DTD2: variants seen among roughly 807,000 people sequenced by gnomAD.
The protein encoded by DTD2 is D-aminoacyl-tRNA deacylase 2, also known as D-tyrosyl-tRNA deacylase 2 (putative).
A neutral mutation model predicts 15.5 loss-of-function variants in DTD2; 12 were observed. The ratio of observed to expected loss-of-function variants is 0.77; its 90% CI spans 0.50 to 1.25. The LOEUF (loss-of-function observed/expected upper bound fraction) is 1.25, where lower values mean the gene tolerates loss of function less well. Ranked by LOEUF, DTD2 falls within the 50% of genes most tolerant of loss-of-function variation. DTD2 has a pLI of 0.00. For synonymous variants in DTD2, 59 were observed against 77.3 expected (o/e 0.76, Z 1.24); for missense variants, 170 against 201.1 (o/e 0.85, Z 0.93).
At position 31,457,329 on chromosome 14, in the gene DTD2, A is replaced by G; in HGVS notation, c.65T>C (p.Leu22Pro). ...ALLQQCLHAR[L>P]QIRPADGDVA... ...GTCCCCATCGGCTGGGCGAATTTGC[A>G]GCCGGGCGTGCAGGCACTGCTGTAG... Residue 22 changes from leucine to proline, a missense_variant, in exon 1 of 3, where the codon CTG becomes CCG. By Grantham distance (98) the Leu-to-Pro change is moderately conservative. Transcript: ENST00000310850. 1.9e-6 allele frequency: 3 copies of G among 1,595,846 alleles called. No homozygotes were observed. The highest frequency in any genetic ancestry group is 2.3e-5 in the South Asian group (2 of 87,240).
intron 2 of DTD2, among the ~76,000 whole-genome samples, chr14:31,453,050 G>A (rs755435786): frequency 7.3e-5 from 11 of 150,996 alleles, no homozygotes; most frequent in Middle Eastern, 3.2e-3. Flanking sequence ...TAATCTTCCA[G>A]CCTCAGCCTC....
intron 1 of DTD2, chr14:31,457,000 T>C (rs2032101523): frequency 6.2e-6 from 3 of 480,030 alleles, no homozygotes; most frequent in Non-Finnish European, 1.1e-5. Context: ...CAGTAAGGCC[T>C]GAAGTTCACC....
At chr14:31,451,718 T>C (rs946394838) in intron 2 of DTD2, among the ~76,000 whole-genome samples, 1 of 152,202 alleles carries the variant, frequency 6.6e-6, no homozygotes, top group African/African-American at 2.4e-5. Flanking sequence ...CTTGAAGCTC[T>C]TCTAGGTTTT....
At chr14:31,455,733 C>T (rs1455105839) in intron 1 of DTD2, among the ~76,000 whole-genome samples, 2 of 151,354 alleles carry the variant, frequency 1.3e-5, no homozygotes, top group Non-Finnish European at 2.9e-5. Flanking sequence ...AGGTGCCCGC[C>T]ACCAAGCCCG....
intron 2 of DTD2, chr14:31,452,490 CTTACT>C (rs377646486): frequency 2.0e-5 from 3 of 152,152 alleles, no homozygotes; most frequent in Non-Finnish European, 4.4e-5. Context: ...ACCATACTTG[CTTACT>C]TTAAACTTTG....
intron 2 of DTD2, among the ~76,000 whole-genome samples, 192 bp from the exon 3 acceptor site, chr14:31,448,646 T>C (rs1321305262): frequency 6.6e-6 from 1 of 152,170 alleles, no homozygotes; most frequent in East Asian, 1.9e-4. Flanking sequence ...ATAAGGCAAT[T>C]TTCATGCAGA....
At chr14:31,449,315 A>G (rs2032002569) in intron 2 of DTD2, among the ~76,000 whole-genome samples, 1 of 152,210 alleles carries the variant, frequency 6.6e-6, no homozygotes, top group Admixed American at 6.5e-5. Flanking sequence ...TAAACCAGCT[A>G]ATTTTGTTGT....
chr14:31,448,299 C>T lies in DTD2; in HGVS notation c.337G>A (p.Glu113Lys). 6.2e-7 allele frequency: 1 copy of T among 1,614,174 alleles called. No homozygotes were observed. ...TGAGAGTAAAGTTCAAACCCTTCTT[C>T]TTTTCCAGAGTTAGAGTGATATTGC... The part of the protein sequence containing the change: ...NMQYHSNSGK[E>K]EGFELYSQFV... Residue 113 changes from glutamate (E) to lysine (K), a missense_variant, in exon 3 of 3, where the codon GAA (glutamate) becomes AAA (lysine). Transcript: ENST00000310850.
In DTD2 at chr14:31,457,264, G is replaced by A. The variant is rs765074032; in HGVS notation, c.111+19C>T. On this transcript the variant is annotated intron_variant, in intron 1 of 2. Coordinates refer to ENST00000310850, the MANE Select transcript of DTD2 (RefSeq NM_080664.3). ...CCCCGCACGCCGGAGGATAACGAGA[G>A]CTGCCGGGCTGACGTTACCTCCACC... is the stretch of plus-strand genomic sequence containing the variant. 34 of 1,551,176 alleles carry A rather than the reference G, an allele frequency of 2.2e-5. No homozygotes were observed. The African/African-American group carries it at 4.1e-4, about 19-fold the overall frequency.
In DTD2 at chr14:31,448,368, T is replaced by C; in HGVS notation, c.268A>G (p.Ile90Val). 1 of 1,614,182 alleles carries C rather than the reference T, an allele frequency of 6.2e-7. No homozygotes were observed. The highest frequency in any genetic ancestry group is 8.5e-7 in the Non-Finnish European group (1 of 1,180,010). ...CTTCCTCCAAGGGTAGCTTGAGGGA[T>C]AATAAGAATGTTGCCAGGTAGATCC... ...ILDLPGNILI[I>V]PQATLGGRLK... The change falls in exon 3 of 3, where the codon ATC becomes GTC. Residue 90 changes from isoleucine to valine, a missense_variant. Ile to Val is a conservative substitution (Grantham distance 29). Coordinates refer to ENST00000310850, the MANE Select transcript of DTD2 (RefSeq NM_080664.3).
In DTD2 at chr14:31,449,140, G is replaced by A. The variant is rs141829438; in HGVS notation, c.182-686C>T. Among the ~76,000 whole-genome samples the A allele has an allele frequency of 8.7e-3, 1,323 of 152,266 alleles. 17 individuals are homozygous for A. The highest frequency in any genetic ancestry group is 0.03 in the African/African-American group (1,233 of 41,542). ...GATCTCCTGACCTCGTGATCCACTC[G>A]CCTTGGCCTCCCAAAGCGTTGGGAT... On this transcript the variant is annotated intron_variant, in intron 2 of 2. Coordinates refer to ENST00000310850, the MANE Select transcript of DTD2 (RefSeq NM_080664.3).
At chr14:31,449,038 TGCGTGCCACCACACCC>T (rs2031997992) in intron 2 of DTD2, among the ~76,000 whole-genome samples, 1 of 152,036 alleles carries the variant, frequency 6.6e-6, no homozygotes, top group African/African-American at 2.4e-5. Context: ...GGACTACAGG[TGCGTGCCACCACACCC>T]GGCTAATTTT....
Position 31,446,947 on chromosome 14 carries a change from A to G in DTD2, c.*1182T>C, listed in dbSNP as rs2031966805. On this transcript the variant is annotated 3_prime_UTR_variant, in exon 3 of 3. Coordinates refer to ENST00000310850, the MANE Select transcript of DTD2 (RefSeq NM_080664.3). ...CCAGTTCTTTAAAAAGCGAAGACAA[A>G]AAGTGAGACACATGATTTTGGTAAA... 1 of 152,216 alleles carries G rather than the reference A, an allele frequency of 6.6e-6. No homozygotes were observed. Among genetic ancestry groups the G allele is most frequent in the Admixed American group, 6.5e-5 (1 of 15,280 alleles). 9.4% of individuals were successfully genotyped at this position (152,216 alleles called of 1,614,324 possible). A position where few individuals can be genotyped will look rare whatever the true frequency, so the allele number is the denominator to read the frequency against.
Position 31,448,107 on chromosome 14 carries a change from T to G in DTD2, c.*22A>C, listed in dbSNP as rs2031983579. 1.9e-6 allele frequency: 3 copies of G among 1,557,492 alleles called. No individual in the cohort carries two copies. Among genetic ancestry groups the G allele is most frequent in the Non-Finnish European group, 2.6e-6 (3 of 1,146,758 alleles). On this transcript the variant is annotated 3_prime_UTR_variant, in exon 3 of 3. Transcript: ENST00000310850. ...AGATCATTTCATACCAGAAAACAGC[T>G]ATAGAAACTAGTTTTTCATTTTCAA...
Position 31,448,216 on chromosome 14 carries a change from C to T in DTD2, c.420G>A (p.Arg140=), listed in dbSNP as rs745934467. 6.2e-7 allele frequency: 1 copy of T among 1,614,050 alleles called. No individual in the cohort carries two copies. Among genetic ancestry groups the T allele is most frequent in the Non-Finnish European group, 8.5e-7 (1 of 1,180,034 alleles). The change falls in exon 3 of 3, where the codon AGG becomes AGA. Residue 140 remains arginine (R), a synonymous_variant. Transcript: ENST00000310850. ...CATAAGTGCCATGTTCCACTACAAC[C>T]CTAGCTTCAGCACACTTGCTATTAG... ...VAANSKCAEA[R]VVVEHGTYGN...
chr14:31,453,933 T>C (rs1290041821), intron 1 of DTD2, among the ~76,000 whole-genome samples: 3 of 152,256 alleles, frequency 2.0e-5, no homozygotes, highest in East Asian at 3.8e-4. Flanking sequence ...GCATTTGTGA[T>C]AGTAAATTCT....
At position 31,457,396 on chromosome 14, in the gene DTD2, C is replaced by A. The variant is rs374433942; in HGVS notation, c.-3G>T. ...GGAATCCGGCTACCCTCAGCCATGG[C>A]TTAAGCCAGCGCCGCGGCCGGACAG... On this transcript the variant is annotated 5_prime_UTR_variant, in exon 1 of 3. Coordinates refer to ENST00000310850, the MANE Select transcript of DTD2 (RefSeq NM_080664.3). 5.5e-4 allele frequency: 821 copies of A among 1,501,334 alleles called. 2 individuals carry two copies. The highest frequency in any genetic ancestry group is 5.4e-3 in the Middle Eastern group (23 of 4,230). 93.0% of individuals were successfully genotyped at this position (1,501,334 alleles called of 1,614,324 possible).
chr14:31,449,751 A>C (rs8012658), intron 2 of DTD2, among the ~76,000 whole-genome samples: 74,347 of 152,002 alleles, frequency 0.49, 18,165 homozygotes, highest in East Asian at 0.6. Context: ...AAGGAACTAC[A>C]TAAACTTCAA....
rs1422697907 is a variant in DTD2 at position 31,446,622 on chromosome 14, T to G, written c.*1507A>C. 1 of 152,224 alleles carries G rather than the reference T, an allele frequency of 6.6e-6. No homozygotes were observed. The highest frequency in any genetic ancestry group is 2.4e-5 in the African/African-American group (1 of 41,462). 9.4% of individuals were successfully genotyped at this position (152,224 alleles called of 1,614,324 possible). A position where few individuals can be genotyped will look rare whatever the true frequency, so the allele number is the denominator to read the frequency against. ...GGTCTGTTTCTGGAGACTACTTTCT[T>G]TCTGGCTTATATGTTCCAGGATGGG... is the stretch of plus-strand genomic sequence containing the variant. On this transcript the variant is annotated 3_prime_UTR_variant, in exon 3 of 3. Transcript: ENST00000310850.
Sources: gnomAD v4.1 joint callset for allele counts (sites outside exome capture counted in the v4.1 genomes callset) on GRCh38, gnomAD v4.1.1 for gene constraint, MANE v1.5 for transcripts, NCBI Gene and HGNC (gene_info 2026-07-23, HGNC 2026-07-21) for gene names.